Variants in ALDH2 observed in about 807,000 individuals in gnomAD.
The protein encoded by ALDH2 is aldehyde dehydrogenase 2 family member.
Under a neutral mutation model 59.6 loss-of-function variants are expected in ALDH2, and 44 were observed. The ratio of observed to expected loss-of-function variants is 0.74; its 90% CI spans 0.58 to 0.95. ALDH2 has a LOEUF of 0.95. ALDH2 is among the 40% of genes least tolerant of loss of function. The pLI is 0.00. For synonymous variants in ALDH2, 291 were observed against 284.0 expected, an observed-to-expected ratio of 1.02 and a Z score of -0.25; for missense variants, 570 against 696.3, an observed-to-expected ratio of 0.82 and a Z score of 2.04.
At chr12:111,783,021 A>G (rs1414466732) in intron 2 of ALDH2, 137 bp from the exon 3 acceptor site, 1 of 1,095,516 alleles carries the variant, frequency 9.1e-7, no homozygotes, top group East Asian at 2.5e-5. Context: ...CTGCCGGGCT[A>G]GGAGCATTGT....
Position 111,811,847 on chromosome 12 carries a change from A to C in ALDH2, c.*2272A>C, listed in dbSNP as rs1295466552. On this transcript the variant is annotated 3_prime_UTR_variant, in exon 13 of 13. Coordinates refer to ENST00000261733, the MANE Select transcript of ALDH2 (RefSeq NM_000690.4). Reference sequence around the variant, plus strand: ...GCGGAGACGAGAGATTGTAGAAATAAAGACACAAGACAAAGAGGTAAAAGA... The same window carrying C: ...GCGGAGACGAGAGATTGTAGAAATACAGACACAAGACAAAGAGGTAAAAGA... 1 of 158,276 alleles carries C rather than the reference A, an allele frequency of 6.3e-6. No individual in the cohort carries two copies. 9.8% of individuals were successfully genotyped at this position (158,276 alleles called of 1,614,324 possible). A position where few individuals can be genotyped will look rare whatever the true frequency, so the allele number is the denominator to read the frequency against.
chr12:111,768,645 C>A (rs1311245103), intron 1 of ALDH2, among the ~76,000 whole-genome samples: 2 of 151,548 alleles, frequency 1.3e-5, no homozygotes, highest in Non-Finnish European at 2.9e-5. Context: ...TCGAGACCAG[C>A]CTGGGCAACA....
chr12:111,789,616 C>T (rs1172438455), intron 4 of ALDH2, among the ~76,000 whole-genome samples: 1 of 151,992 alleles, frequency 6.6e-6, no homozygotes, highest in Non-Finnish European at 1.5e-5. Flanking sequence ...TTACAAGAAC[C>T]CCAGGCGATT....
In ALDH2 at chr12:111,813,286, C is replaced by CGGAGAAGCTTCCTAAGTGTG. The variant is rs2068549084; in HGVS notation, c.*3714_*3733dup. ...GGCACAGAGAGCTTTTCCTTCAGCC[C>CGGAGAAGCTTCCTAAGTGTG]GGAGAAGCTTCCTAAGTGTGGGCGC... On this transcript the variant is annotated 3_prime_UTR_variant, in exon 13 of 13. Coordinates refer to ENST00000261733, the MANE Select transcript of ALDH2 (RefSeq NM_000690.4). 1 of 152,154 alleles carries CGGAGAAGCTTCCTAAGTGTG rather than the reference C, an allele frequency of 6.6e-6. No individual in the cohort carries two copies. 9.4% of individuals were successfully genotyped at this position (152,154 alleles called of 1,614,324 possible).
intron 1 of ALDH2, among the ~76,000 whole-genome samples, chr12:111,772,937 C>T (rs1218180556): frequency 2.2e-5 from 3 of 137,028 alleles, no homozygotes; most frequent in Non-Finnish European, 1.5e-5. Context: ...AGTGAGACTC[C>T]GTCTCAAAAA....
At chr12:111,799,275 C>G (rs1389649868) in intron 10 of ALDH2, among the ~76,000 whole-genome samples, 5 of 151,884 alleles carry the variant, frequency 3.3e-5, no homozygotes, top group African/African-American at 1.2e-4. Flanking sequence ...AGCGATTCTC[C>G]TGCCTCAGAC....
chr12:111,812,920 G>A lies in ALDH2; in HGVS notation c.*3345G>A, dbSNP rs999037367. ...AAGAATACTGCAAAGAACCTTGGTAGGGGTGAATTGGAAAAAGTAGAGAAA... is the reference window on the plus strand; with the variant it reads ...AAGAATACTGCAAAGAACCTTGGTAAGGGTGAATTGGAAAAAGTAGAGAAA... On this transcript the variant is annotated 3_prime_UTR_variant, in exon 13 of 13. Coordinates refer to ENST00000261733, the MANE Select transcript of ALDH2 (RefSeq NM_000690.4). 4 of 152,288 alleles carry A rather than the reference G, an allele frequency of 2.6e-5. No individual in the cohort carries two copies. Among genetic ancestry groups the A allele is most frequent in the Non-Finnish European group, 4.4e-5 (3 of 68,028 alleles). 9.4% of individuals were successfully genotyped at this position (152,288 alleles called of 1,614,324 possible).
At chr12:111,804,193 T>C (rs1036043951) in intron 12 of ALDH2, among the ~76,000 whole-genome samples, 1 of 152,158 alleles carries the variant, frequency 6.6e-6, no homozygotes, top group Non-Finnish European at 1.5e-5. Context: ...TTTTGGCCTC[T>C]CCCTCATGCT....
intron 9 of ALDH2, among the ~76,000 whole-genome samples, chr12:111,794,235 G>A (rs2068384572): frequency 6.6e-6 from 1 of 151,956 alleles, no homozygotes; most frequent in Non-Finnish European, 1.5e-5. Context: ...GGCCAGGATG[G>A]TCTCGATCTC....
In ALDH2 at chr12:111,817,503, G is replaced by T. The variant is rs1042545720; in HGVS notation, c.*7928G>T. Reference sequence around the variant, plus strand: ...CTGGTCCTTCTTAGTTGCCAAAAAAGACATAAGGATTAAAAAGACAAACCA... The same window carrying T: ...CTGGTCCTTCTTAGTTGCCAAAAAATACATAAGGATTAAAAAGACAAACCA... On this transcript the variant is annotated 3_prime_UTR_variant, in exon 13 of 13. Coordinates refer to ENST00000261733, the MANE Select transcript of ALDH2 (RefSeq NM_000690.4). The T allele has an allele frequency of 1.3e-4, 20 of 152,174 alleles. No homozygotes were observed. The highest frequency in any genetic ancestry group is 4.6e-4 in the African/African-American group (19 of 41,438). The allele number at this position is 152,174 out of a possible 1,614,324, so 9.4% of individuals were successfully genotyped here. A position where few individuals can be genotyped will look rare whatever the true frequency, so the allele number is the denominator to read the frequency against.
intron 11 of ALDH2, among the ~76,000 whole-genome samples, chr12:111,802,546 A>C (rs969636755): frequency 6.6e-6 from 1 of 151,658 alleles, no homozygotes; most frequent in Non-Finnish European, 1.5e-5. Context: ...GCACCACTGC[A>C]CTCCAGCTTG....
At position 111,816,153 on chromosome 12, in the gene ALDH2, T is replaced by G. The variant is rs564905758; in HGVS notation, c.*6578T>G. 6.6e-6 allele frequency: 1 copy of G among 152,246 alleles called. No homozygotes were observed. Among genetic ancestry groups the G allele is most frequent in the East Asian group, 1.9e-4 (1 of 5,182 alleles). The allele number at this position is 152,246 out of a possible 1,614,324, so 9.4% of individuals were successfully genotyped here. On this transcript the variant is annotated 3_prime_UTR_variant, in exon 13 of 13. Coordinates refer to ENST00000261733, the MANE Select transcript of ALDH2 (RefSeq NM_000690.4). ...TGAGTTCACTCAAGAGCTGGTTGTT[T>G]AAAAGGTGACGTGGACCTAATCCCT...
intron 12 of ALDH2, among the ~76,000 whole-genome samples, chr12:111,807,875 ATT>A (rs35239056): frequency 9.3e-5 from 13 of 139,244 alleles, no homozygotes; most frequent in Admixed American, 2.2e-4. Context: ...AGGTGGCTCA[ATT>A]TTTTTTTTTT....
At chr12:111,801,451 C>T (rs1048562167) in intron 11 of ALDH2, among the ~76,000 whole-genome samples, 1 of 152,132 alleles carries the variant, frequency 6.6e-6, no homozygotes, top group Non-Finnish European at 1.5e-5. Context: ...GTAATCCCAG[C>T]ACTTTGGGAA....
chr12:111,768,885 G>A (rs377284801), intron 1 of ALDH2, among the ~76,000 whole-genome samples: 6 of 152,340 alleles, frequency 3.9e-5, no homozygotes, highest in East Asian at 1.9e-4. Context: ...ATGGGAGGCC[G>A]AGGTGGGAGG....
chr12:111,795,945 A>G (rs1039614835), intron 9 of ALDH2, among the ~76,000 whole-genome samples: 4 of 152,072 alleles, frequency 2.6e-5, no homozygotes, highest in Non-Finnish European at 5.9e-5. Context: ...GATAATATAA[A>G]CTTGCATTAA....
chr12:111,788,599 T>G (rs914180999), intron 4 of ALDH2, among the ~76,000 whole-genome samples: 6 of 152,166 alleles, frequency 3.9e-5, no homozygotes, highest in Admixed American at 3.3e-4. Flanking sequence ...ACATGTCATG[T>G]AGACTGTGTT....
chr12:111,806,625 G>A (rs977418942), intron 12 of ALDH2, among the ~76,000 whole-genome samples: 5 of 152,194 alleles, frequency 3.3e-5, no homozygotes, highest in African/African-American at 1.2e-4. Context: ...TCAACTAAAC[G>A]TGTTTACTTG....
chr12:111,790,373 G>A lies in ALDH2; in HGVS notation c.553-61G>A, dbSNP rs963398174. The A allele has an allele frequency of 1.7e-5, 28 of 1,608,792 alleles. No individual in the cohort carries two copies. The African/African-American group carries it at 3.1e-4, about 18-fold the overall frequency. On this transcript the variant is annotated intron_variant, in intron 5 of 12. Coordinates refer to ENST00000261733, the MANE Select transcript of ALDH2 (RefSeq NM_000690.4). Reference sequence around the variant, plus strand: ...CTGCCCTCTGGGGTTGCCACCTTCTGCTACCCAGTGTAGTTCTCTGAGGAA... The same window carrying A: ...CTGCCCTCTGGGGTTGCCACCTTCTACTACCCAGTGTAGTTCTCTGAGGAA...
Sources: allele counts gnomAD v4.1 joint callset (sites outside exome capture counted in the v4.1 genomes callset), GRCh38; gene constraint gnomAD v4.1.1; transcripts MANE v1.5; gene names NCBI Gene and HGNC (gene_info 2026-07-23, HGNC 2026-07-21).